Variants in NELL1 observed in about 807,000 individuals in gnomAD.
NELL1 encodes neural EGFL like 1, also known as protein kinase C-binding protein NELL1.
In NELL1, 76 loss-of-function variants were observed where a neutral mutation model predicts 107.4. The observed-to-expected ratio is 0.71, with a 90% CI of 0.59 to 0.86. The LOEUF (loss-of-function observed/expected upper bound fraction) is 0.86. NELL1 is among the 40% of genes least tolerant of loss of function. NELL1 has a pLI of 0.00. For missense variants in NELL1, 1,024 were observed against 1,005.5 expected, an observed-to-expected ratio of 1.02 and a Z score of -0.25; for synonymous variants, 353 against 341.2, an observed-to-expected ratio of 1.03 and a Z score of -0.38.
intron 12 of NELL1, among the ~76,000 whole-genome samples, chr11:21,081,652 C>A (rs891233704): frequency 2.6e-5 from 4 of 152,134 alleles, no homozygotes; most frequent in Non-Finnish European, 4.4e-5. Flanking sequence ...TGTCTAGTTT[C>A]TCTGGAAAAT....
intron 7 of NELL1, among the ~76,000 whole-genome samples, chr11:20,925,349 TG>T (rs1850470673): frequency 6.6e-6 from 1 of 152,020 alleles, no homozygotes; most frequent in African/African-American, 2.4e-5. Flanking sequence ...GGCATGATCT[TG>T]GCCTGCTGCA....
rs547201592 is a variant in NELL1, at chr11:21,355,245, GCA to G, written c.1550-15606_1550-15605del. ...CTCTCAAAGTCTGACACTGATGTGT[GCA>G]CCAGTTAGTGAGAGGCAGACTGCAA... On this transcript the variant is annotated intron_variant, in intron 14 of 19. Transcript: ENST00000357134. Among the ~76,000 whole-genome samples the G allele has an allele frequency of 1.5e-3, 228 of 152,266 alleles. 4 individuals are homozygous for G. The highest frequency in any genetic ancestry group is 0.015 in the Admixed American group (227 of 15,288).
chr11:20,782,532 C>T (rs1204052426), intron 2 of NELL1, among the ~76,000 whole-genome samples: 1 of 152,138 alleles, frequency 6.6e-6, no homozygotes, highest in Non-Finnish European at 1.5e-5. Context: ...GGCCCGAGGT[C>T]AAGAATTGAA....
intron 15 of NELL1, among the ~76,000 whole-genome samples, chr11:21,381,997 T>C (rs1851625657): frequency 1.3e-5 from 2 of 150,378 alleles, no homozygotes; most frequent in Admixed American, 1.3e-4. Context: ...GTTCTCACTG[T>C]ATTATTGATA....
chr11:21,484,013 A>G (rs1854563091), intron 15 of NELL1, among the ~76,000 whole-genome samples: 1 of 137,838 alleles, frequency 7.3e-6, no homozygotes, highest in South Asian at 2.3e-4. Flanking sequence ...ATATATATAT[A>G]TATATATATA....
At chr11:20,956,826 A>G (rs892883874) in intron 11 of NELL1, among the ~76,000 whole-genome samples, 2 of 152,198 alleles carry the variant, frequency 1.3e-5, no homozygotes, top group Non-Finnish European at 2.9e-5. Context: ...ATTGTTTACT[A>G]AAAGTACTGA....
chr11:20,729,150 T>C (rs892726630), intron 2 of NELL1, among the ~76,000 whole-genome samples: 1 of 152,168 alleles, frequency 6.6e-6, no homozygotes, highest in Non-Finnish European at 1.5e-5. Context: ...TTTTTTAACA[T>C]TGATTTTGTG....
At chr11:21,265,529 A>C (rs1848618576) in intron 14 of NELL1, among the ~76,000 whole-genome samples, 1 of 152,044 alleles carries the variant, frequency 6.6e-6, no homozygotes, top group Non-Finnish European at 1.5e-5. Flanking sequence ...TGTGCAATAG[A>C]GAAAATGGAA....
intron 2 of NELL1, among the ~76,000 whole-genome samples, chr11:20,682,214 T>C (rs1459776460): frequency 1.3e-5 from 2 of 152,036 alleles, no homozygotes; most frequent in Non-Finnish European, 2.9e-5. Flanking sequence ...TAGTGCAGTA[T>C]GGTCCAATCG....
intron 13 of NELL1, among the ~76,000 whole-genome samples, chr11:21,195,450 A>G (rs954696047): frequency 1.3e-5 from 2 of 151,952 alleles, no homozygotes; most frequent in African/African-American, 4.8e-5. Context: ...TCTTAGAGAT[A>G]TTCCTATTCT....
At chr11:20,845,408 T>C (rs1848686314) in intron 3 of NELL1, among the ~76,000 whole-genome samples, 1 of 152,158 alleles carries the variant, frequency 6.6e-6, no homozygotes, top group African/African-American at 2.4e-5. Flanking sequence ...GCCTCCCTCT[T>C]TAATGATTCC....
chr11:21,064,464 G>A (rs1363716748), intron 12 of NELL1, among the ~76,000 whole-genome samples: 4 of 152,148 alleles, frequency 2.6e-5, no homozygotes, highest in East Asian at 1.9e-4. Flanking sequence ...AGCTAGAGCC[G>A]ATAGGATTTC....
intron 3 of NELL1, among the ~76,000 whole-genome samples, chr11:20,810,029 T>C (rs1857465960): frequency 6.6e-6 from 1 of 152,170 alleles, no homozygotes; most frequent in East Asian, 1.9e-4. Context: ...GCACTTGCTA[T>C]CTTTTAATTT....
chr11:21,347,267 A>G lies in NELL1; in HGVS notation c.1550-23586A>G, dbSNP rs1335496191. 4.6e-5 allele frequency among the ~76,000 whole-genome samples: 7 copies of G among 152,262 alleles called. No individual in the cohort carries two copies. The East Asian group carries it at 1.2e-3, about 25-fold the overall frequency. On this transcript the variant is annotated intron_variant, in intron 14 of 19. Transcript: ENST00000357134. ...CTAGTCAAAGGGAACAACAAGTGTA[A>G]AGGCCCTAAAGTGGAAAAGAGTTTG...
intron 14 of NELL1, among the ~76,000 whole-genome samples, chr11:21,241,719 CATTTCTACTT>C (rs1858364746): frequency 6.6e-6 from 1 of 152,000 alleles, no homozygotes; most frequent in African/African-American, 2.4e-5. Flanking sequence ...CCTGTTTTCA[CATTTCTACTT>C]ATTTCTACCC....
intron 12 of NELL1, among the ~76,000 whole-genome samples, chr11:21,030,077 G>A (rs1374332049): frequency 1.3e-5 from 2 of 152,152 alleles, no homozygotes; most frequent in Non-Finnish European, 2.9e-5. Flanking sequence ...CACAAGTTTG[G>A]GAAAGTGACA....
At chr11:21,299,870 A>C (rs1241042551) in intron 14 of NELL1, among the ~76,000 whole-genome samples, 1 of 151,976 alleles carries the variant, frequency 6.6e-6, no homozygotes, top group Non-Finnish European at 1.5e-5. Flanking sequence ...TTTTTCAACT[A>C]TACAAAAATA....
At chr11:21,553,335 A>G (rs1430967872) in intron 16 of NELL1, among the ~76,000 whole-genome samples, 1 of 151,824 alleles carries the variant, frequency 6.6e-6, no homozygotes, top group Non-Finnish European at 1.5e-5. Flanking sequence ...GCTTCCTCTC[A>G]TTGGCACTTG....
At chr11:21,202,735 C>T (rs1286766161) in intron 13 of NELL1, among the ~76,000 whole-genome samples, 1 of 152,192 alleles carries the variant, frequency 6.6e-6, no homozygotes, top group Non-Finnish European at 1.5e-5. Flanking sequence ...CATTTTAGAT[C>T]TTTCCTGCTT....
Sources: allele counts gnomAD v4.1 joint callset (sites outside exome capture counted in the v4.1 genomes callset), GRCh38; gene constraint gnomAD v4.1.1; transcripts MANE v1.5; gene names NCBI Gene and HGNC (gene_info 2026-07-23, HGNC 2026-07-21).